NRG1: variants seen among roughly 807,000 people sequenced by gnomAD.
NRG1 encodes pro-neuregulin-1, membrane-bound isoform.
NRG1 carries 18 observed loss-of-function variants against 63.8 expected under a neutral mutation model. The ratio of observed to expected loss-of-function variants is 0.28; its 90% CI spans 0.19 to 0.42. The LOEUF is 0.42. Ranked by LOEUF, NRG1 falls within the 10% of genes least tolerant of loss-of-function variation. The probability of loss-of-function intolerance (pLI) is 1.00; values close to 1 mark genes in which losing one functional copy is unlikely to be tolerated. For missense variants in NRG1, 762 were observed against 814.7 expected (o/e 0.94, Z 0.79); for synonymous variants, 302 against 301.3 (o/e 1.00, Z -0.02).
intron 1 of NRG1, among the ~76,000 whole-genome samples, chr8:32,004,223 G>T (rs1301046486): frequency 9.2e-5 from 14 of 151,904 alleles, no homozygotes; most frequent in African/African-American, 3.4e-4. Flanking sequence ...AGGATTCAGG[G>T]ACTGGTTGAG....
intron 1 of NRG1, among the ~76,000 whole-genome samples, chr8:32,415,176 G>C (rs943022351): frequency 6.6e-5 from 10 of 152,050 alleles, no homozygotes; most frequent in African/African-American, 2.4e-4. Flanking sequence ...GGGAGGCCGA[G>C]GCAGGTGGAT....
intron 1 of NRG1, among the ~76,000 whole-genome samples, chr8:32,456,052 C>A (rs893029955): frequency 1.6e-4 from 24 of 152,136 alleles, no homozygotes; most frequent in Admixed American, 1.4e-3. Flanking sequence ...TGAGGGAAAT[C>A]TATTTATGAC....
intron 1 of NRG1, among the ~76,000 whole-genome samples, chr8:31,989,766 C>A (rs1380101556): frequency 6.6e-6 from 1 of 152,064 alleles, no homozygotes; most frequent in Non-Finnish European, 1.5e-5. Context: ...TTACCTTTGG[C>A]AATCATGGTA....
chr8:32,320,828 G>C (rs1301534932), intron 1 of NRG1, among the ~76,000 whole-genome samples: 2 of 152,076 alleles, frequency 1.3e-5, no homozygotes, highest in Non-Finnish European at 2.9e-5. Context: ...GACATTGTAT[G>C]GTCTTGGTTT....
intron 5 of NRG1, among the ~76,000 whole-genome samples, chr8:32,693,765 A>G (rs893218413): frequency 2.0e-5 from 3 of 152,194 alleles, no homozygotes; most frequent in African/African-American, 7.2e-5. Context: ...TTCCTCTGAT[A>G]CAGTAAAGTC....
At chr8:32,158,236 A>G (rs1218494963) in intron 1 of NRG1, among the ~76,000 whole-genome samples, 2 of 151,348 alleles carry the variant, frequency 1.3e-5, no homozygotes, top group Non-Finnish European at 2.9e-5. Flanking sequence ...CCCCTTCACA[A>G]CTAGGGTTGG....
chr8:32,374,384 A>G (rs1427691084), intron 1 of NRG1, among the ~76,000 whole-genome samples: 1 of 152,226 alleles, frequency 6.6e-6, no homozygotes, highest in Non-Finnish European at 1.5e-5. Context: ...TAAAGAGATC[A>G]TTAAATGACT....
intron 1 of NRG1, among the ~76,000 whole-genome samples, chr8:32,435,167 G>A (rs1050549645): frequency 6.6e-6 from 1 of 152,146 alleles, no homozygotes; most frequent in Admixed American, 6.6e-5. Flanking sequence ...TTCCATAAAT[G>A]CCTTTTAAAT....
intron 1 of NRG1, among the ~76,000 whole-genome samples, chr8:31,875,548 G>A (rs765490470): frequency 6.6e-5 from 10 of 152,122 alleles, no homozygotes; most frequent in Admixed American, 1.3e-4. Context: ...GCCTCAGCAC[G>A]GAGATCATGC....
intron 1 of NRG1, among the ~76,000 whole-genome samples, chr8:32,536,973 T>C (rs1832050078): frequency 7.0e-6 from 1 of 142,664 alleles, no homozygotes; most frequent in African/African-American, 2.6e-5. Context: ...CCAGGTGCAG[T>C]GGCTCACGCC....
At chr8:32,653,508 G>A (rs1383345338) in intron 5 of NRG1, among the ~76,000 whole-genome samples, 1 of 152,176 alleles carries the variant, frequency 6.6e-6, no homozygotes, top group East Asian at 1.9e-4. Flanking sequence ...TGAGTAGCCA[G>A]GGGTGATTCA....
At chr8:32,354,800 T>TAA (rs200217923) in intron 1 of NRG1, among the ~76,000 whole-genome samples, 7 of 113,720 alleles carry the variant, frequency 6.2e-5, no homozygotes, top group East Asian at 2.5e-4. Flanking sequence ...CTGCTTTTTT[T>TAA]AAAAAAAAAA....
intron 5 of NRG1, among the ~76,000 whole-genome samples, chr8:32,703,266 C>T (rs1009165505): frequency 6.6e-6 from 1 of 152,008 alleles, no homozygotes; most frequent in Non-Finnish European, 1.5e-5. Context: ...CAACATAAGT[C>T]AGAAAAGGGT....
chr8:31,903,677 A>G (rs558199576), intron 1 of NRG1, among the ~76,000 whole-genome samples: 64 of 152,296 alleles, frequency 4.2e-4, no homozygotes, highest in African/African-American at 1.3e-3. Flanking sequence ...TATCTTGGCC[A>G]GGCATGGTGG....
At chr8:32,548,636 G>T in exon 1 of NRG1, 1 of 1,461,630 alleles carries the variant, frequency 6.8e-7, no homozygotes, top group Non-Finnish European at 9.0e-7. Flanking sequence ...CCCCCTCGAG[G>T]GACAAACTTT....
intron 1 of NRG1, among the ~76,000 whole-genome samples, chr8:32,306,501 T>C (rs1243887710): frequency 2.6e-5 from 4 of 152,176 alleles, no homozygotes; most frequent in Non-Finnish European, 5.9e-5. Context: ...AAAGGCCCCA[T>C]TGAAATTAAT....
intron 1 of NRG1, among the ~76,000 whole-genome samples, chr8:32,018,264 G>C (rs185825980): frequency 6.6e-6 from 1 of 152,058 alleles, no homozygotes; most frequent in Non-Finnish European, 1.5e-5. Flanking sequence ...GAAGAACATC[G>C]AGGGGAAACA....
chr8:32,040,625 A>G lies in NRG1; in HGVS notation c.37+401194A>G, dbSNP rs538844169. Among the ~76,000 whole-genome samples the G allele has an allele frequency of 1.4e-3, 202 of 149,240 alleles. 1 individual carries two copies. Among genetic ancestry groups the G allele is most frequent in the East Asian group, 9.8e-4 (5 of 5,082 alleles). The stretch of plus-strand genomic sequence containing the variant: ...TATATATGCATATATACACATATAT[A>G]CACGTATGTATGTATATATATGTAT... On this transcript the variant is annotated intron_variant, in intron 1 of 10. Transcript: ENST00000519301.
chr8:32,060,275 CT>C (rs150589431), intron 1 of NRG1, among the ~76,000 whole-genome samples: 48 of 146,886 alleles, frequency 3.3e-4, no homozygotes, highest in Middle Eastern at 3.5e-3. Flanking sequence ...TGGCAGACTG[CT>C]TTTTTTTTTA....
Sources: gnomAD v4.1 joint callset for allele counts (sites outside exome capture counted in the v4.1 genomes callset) on GRCh38, gnomAD v4.1.1 for gene constraint, MANE v1.5 for transcripts, NCBI Gene and HGNC (gene_info 2026-07-23, HGNC 2026-07-21) for gene names.